Variants in RPS6KA2 observed in about 807,000 individuals in gnomAD.
RPS6KA2 encodes ribosomal protein S6 kinase A2.
RPS6KA2 carries 42 observed loss-of-function variants against 91.8 expected under a neutral mutation model. The ratio of observed to expected loss-of-function variants is 0.46; its 90% CI spans 0.36 to 0.59. The LOEUF is 0.59. Ranked by LOEUF, RPS6KA2 falls within the 20% of genes least tolerant of loss-of-function variation. The pLI is 0.00. For synonymous variants in RPS6KA2, 414 were observed against 393.6 expected (o/e 1.05, Z -0.61); for missense variants, 798 against 978.5 (o/e 0.82, Z 2.46).
At chr6:166,661,407 T>G (rs1051890773) in intron 2 of RPS6KA2, among the ~76,000 whole-genome samples, 2 of 152,240 alleles carry the variant, frequency 1.3e-5, no homozygotes, top group African/African-American at 4.8e-5. Flanking sequence ...GGCCAAAATC[T>G]TTTACTATTT....
intron 2 of RPS6KA2, among the ~76,000 whole-genome samples, 186 bp from the exon 3 acceptor site, chr6:166,531,499 G>A (rs1583247319): frequency 6.6e-6 from 1 of 152,346 alleles, no homozygotes; most frequent in South Asian, 2.1e-4. Context: ...CTATAGCTCT[G>A]CGGCGAACAT....
chr6:166,475,894 T>A (rs1400358107), intron 10 of RPS6KA2: 4 of 503,410 alleles, frequency 7.9e-6, no homozygotes, highest in Admixed American at 6.3e-5. Flanking sequence ...AGTCTGGACA[T>A]GTATAAACAC....
At chr6:166,779,081 G>C (rs1230805824) in intron 2 of RPS6KA2, among the ~76,000 whole-genome samples, 1 of 152,240 alleles carries the variant, frequency 6.6e-6, no homozygotes, top group Non-Finnish European at 1.5e-5. Context: ...TGGGGAGACA[G>C]GTGCGAGCTT....
intron 2 of RPS6KA2, among the ~76,000 whole-genome samples, chr6:166,771,668 A>C (rs1283971309): frequency 6.6e-6 from 1 of 152,192 alleles, no homozygotes; most frequent in Non-Finnish European, 1.5e-5. Context: ...ACTGAAATAT[A>C]AGAGATGAAG....
At chr6:166,476,270 A>T (rs1780971741) in intron 10 of RPS6KA2, among the ~76,000 whole-genome samples, 1 of 152,178 alleles carries the variant, frequency 6.6e-6, no homozygotes, top group African/African-American at 2.4e-5. Context: ...GTGGGAGCAC[A>T]GCCCTGCAGC....
chr6:166,581,659 A>G (rs4710069), intron 1 of RPS6KA2, among the ~76,000 whole-genome samples: 64,933 of 151,628 alleles, frequency 0.43, 15,618 homozygotes, highest in African/African-American at 0.64. Flanking sequence ...TATACCCAGA[A>G]ACAGACTAGT....
chr6:166,538,139 G>A (rs1227809450), intron 2 of RPS6KA2, among the ~76,000 whole-genome samples: 3 of 152,186 alleles, frequency 2.0e-5, no homozygotes, highest in Non-Finnish European at 4.4e-5. Context: ...ACTGTATAAA[G>A]TAGGTTTTAT....
At chr6:166,625,342 C>CT (rs1433579762) in intron 1 of RPS6KA2, among the ~76,000 whole-genome samples, 1 of 119,800 alleles carries the variant, frequency 8.3e-6, no homozygotes, top group Non-Finnish European at 1.7e-5. Context: ...CCCCCCCCCC[C>CT]GCTTGTTTCC....
At chr6:166,611,396 A>C (rs1786169840) in intron 1 of RPS6KA2, among the ~76,000 whole-genome samples, 1 of 152,164 alleles carries the variant, frequency 6.6e-6, no homozygotes, top group African/African-American at 2.4e-5. Context: ...CATCTCAGTC[A>C]CCCACTCCAC....
chr6:166,621,495 T>C (rs569804957), intron 1 of RPS6KA2, among the ~76,000 whole-genome samples: 1 of 152,222 alleles, frequency 6.6e-6, no homozygotes, highest in African/African-American at 2.4e-5. Flanking sequence ...TTGTTGATAA[T>C]TTTTACTTAT....
chr6:166,449,321 G>A (rs1303328404), intron 13 of RPS6KA2, among the ~76,000 whole-genome samples: 1 of 152,044 alleles, frequency 6.6e-6, no homozygotes, highest in Non-Finnish European at 1.5e-5. Context: ...AAGACAGAAA[G>A]CCACCATGGC....
chr6:166,476,539 T>C (rs1406723774), intron 10 of RPS6KA2, among the ~76,000 whole-genome samples: 1 of 152,242 alleles, frequency 6.6e-6, no homozygotes, highest in East Asian at 1.9e-4. Context: ...TTTTGTCCAC[T>C]GATCCCTCTG....
intron 2 of RPS6KA2, among the ~76,000 whole-genome samples, chr6:166,807,444 C>T (rs535490376): frequency 4.5e-4 from 68 of 152,248 alleles, no homozygotes; most frequent in African/African-American, 1.5e-3. Context: ...CCACCTCTGG[C>T]GTGGAGGGTT....
intron 6 of RPS6KA2, among the ~76,000 whole-genome samples, chr6:166,504,097 G>A (rs1298636819): frequency 6.6e-6 from 1 of 152,204 alleles, no homozygotes; most frequent in Non-Finnish European, 1.5e-5. Context: ...GATGAGAGAG[G>A]AGGAGAAACT....
rs114418776 is a variant in RPS6KA2, at chr6:166,667,550, T to C, written c.124-128766A>G. 5.8e-3 allele frequency among the ~76,000 whole-genome samples: 885 copies of C among 152,328 alleles called. 6 individuals are homozygous for C. Among genetic ancestry groups the C allele is most frequent in the African/African-American group, 0.02 (848 of 41,570 alleles). On this transcript the variant is annotated intron_variant, in intron 2 of 21. Transcript: ENST00000503859. ...GATGAGATGTACAGGCCGGATTTCATGTCATTTAGTCAGGAAAAATGTCAC... is the reference window on the plus strand; with the variant it reads ...GATGAGATGTACAGGCCGGATTTCACGTCATTTAGTCAGGAAAAATGTCAC...
In RPS6KA2 at chr6:166,459,613, TG is replaced by T; in HGVS notation, c.973-63del. On this transcript the variant is annotated intron_variant, in intron 11 of 20. Coordinates refer to ENST00000265678, the MANE Select transcript of RPS6KA2 (RefSeq NM_021135.6). The surrounding 1 kb of genome is among the most constrained non-coding windows in gnomAD (Gnocchi z 4.9). The stretch of plus-strand genomic sequence containing the variant: ...ATGCACAGACATTGCCACAGAACAC[TG>T]GGGACAGAGAAACCTGCTGTGGGGA... The T allele has an allele frequency of 1.6e-6, 2 of 1,241,864 alleles. No individual in the cohort carries two copies. Among genetic ancestry groups the T allele is most frequent in the African/African-American group, 1.5e-5 (1 of 67,936 alleles). 76.9% of individuals were successfully genotyped at this position (1,241,864 alleles called of 1,614,324 possible). A position where few individuals can be genotyped will look rare whatever the true frequency, so the allele number is the denominator to read the frequency against.
At chr6:166,845,853 T>A (rs756200587) in intron 2 of RPS6KA2, among the ~76,000 whole-genome samples, 5 of 150,544 alleles carry the variant, frequency 3.3e-5, no homozygotes, top group Non-Finnish European at 5.9e-5. Flanking sequence ...AGAAAAGAAA[T>A]AAAGATCAGA....
intron 1 of RPS6KA2, among the ~76,000 whole-genome samples, chr6:166,625,338 C>T (rs6916042): frequency 0.11 from 12,104 of 109,950 alleles, 751 homozygotes; most frequent in East Asian, 0.16. Flanking sequence ...CCCACCCCCC[C>T]CCCCGCTTGT....
chr6:166,534,564 C>T (rs1285121098), intron 2 of RPS6KA2, among the ~76,000 whole-genome samples: 1 of 152,218 alleles, frequency 6.6e-6, no homozygotes, highest in Non-Finnish European at 1.5e-5. Context: ...CAAGTCTGAA[C>T]TGGAGACCAA....
Sources: allele counts gnomAD v4.1 joint callset (sites outside exome capture counted in the v4.1 genomes callset), GRCh38; gene constraint gnomAD v4.1.1; non-coding constraint Gnocchi (gnomAD v3.1); transcripts MANE v1.5; gene names NCBI Gene and HGNC (gene_info 2026-07-23, HGNC 2026-07-21).